The following IGSF9B variants were observed in gnomAD, a reference collection of about 807,000 sequenced individuals.
IGSF9B encodes the protein protein turtle homolog B.
A neutral mutation model predicts 143.7 loss-of-function variants in IGSF9B; 48 were observed. The observed-to-expected ratio is 0.33, with a 90% CI of 0.26 to 0.42. The LOEUF (loss-of-function observed/expected upper bound fraction) is 0.42, where lower values mean the gene tolerates loss of function less well. IGSF9B is among the 20% of genes least tolerant of loss of function. The probability of loss-of-function intolerance (pLI) is 1.00; values close to 1 mark genes in which losing one functional copy is unlikely to be tolerated. For missense variants in IGSF9B, 1,706 were observed against 1,980.0 expected (o/e 0.86, Z 2.63); for synonymous variants, 903 against 833.1 (o/e 1.08, Z -1.44).
rs1437936144 is a variant in IGSF9B at position 133,952,776 on chromosome 11, C to CGCACACACATGTGCACATGTATGCATGT, written c.64+3887_64+3914dup. Among the ~76,000 whole-genome samples, 26 of 149,038 alleles carry CGCACACACATGTGCACATGTATGCATGT rather than the reference C, an allele frequency of 1.7e-4. No homozygotes were observed. The East Asian group carries it at 3.9e-3, about 22-fold the overall frequency. On this transcript the variant is annotated intron_variant, in intron 1 of 19. Coordinates refer to ENST00000533871, the MANE Select transcript of IGSF9B (RefSeq NM_001277285.4). ...ACACATATAGGAACATGTGTGTATG[C>CGCACACACATGTGCACATGTATGCATGT]GCACACACATGTGCACATGTATGCA...
At position 133,952,800 on chromosome 11, in the gene IGSF9B, C is replaced by T. The variant is rs549383653; in HGVS notation, c.64+3891G>A. On this transcript the variant is annotated intron_variant, in intron 1 of 19. Transcript: ENST00000533871. The stretch of plus-strand genomic sequence containing the variant: ...GCGCACACACATGTGCACATGTATG[C>T]ATGTGCACACACACACACTTCTGGA... Among the ~76,000 whole-genome samples the T allele has an allele frequency of 1.5e-4, 23 of 152,166 alleles. No homozygotes were observed. In the East Asian group the frequency reaches 4.1e-3, roughly 27 times the overall value.
rs1241654547 is a variant in IGSF9B at position 133,935,866 on chromosome 11, C to A, written c.822-104G>T. ...CCAGATGTGGCATGGAGAGCCCATG[C>A]CCCTGGCATCCCCAGGGCCCCTCCA... On this transcript the variant is annotated intron_variant, in intron 6 of 19. Transcript: ENST00000533871. 3 of 1,459,438 alleles carry A rather than the reference C, an allele frequency of 2.1e-6. No homozygotes were observed. In the South Asian group the frequency reaches 4.0e-5, roughly 19 times the overall value. The allele number at this position is 1,459,438 out of a possible 1,614,324, so 90.4% of individuals were successfully genotyped here. A position where few individuals can be genotyped will look rare whatever the true frequency, so the allele number is the denominator to read the frequency against.
rs758727259 is a variant in IGSF9B at position 133,920,268 on chromosome 11, C to T, written c.3457G>A (p.Ala1153Thr). The change falls in exon 18 of 20, where the codon GCT becomes ACT. Residue 1153 changes from alanine to threonine, a missense_variant. Ala to Thr is a moderately conservative substitution (Grantham distance 58, BLOSUM62 0). Coordinates refer to ENST00000533871, the MANE Select transcript of IGSF9B (RefSeq NM_001277285.4). ...GGGCCGCCGTGCGCCCCCGGCTCAG[C>T]CGGCTCGGGGTAAGGCAGCACAGGT... ...GIPVLPYPEP[A>T]EPGAHGGPST... 2 of 1,519,792 alleles carry T rather than the reference C, an allele frequency of 1.3e-6. No homozygotes were observed. The highest frequency in any genetic ancestry group is 8.8e-7 in the Non-Finnish European group (1 of 1,133,744). The allele number at this position is 1,519,792 out of a possible 1,614,324, so 94.1% of individuals were successfully genotyped here.
chr11:133,916,007 A>G (rs572923763), intron 18 of IGSF9B, among the ~76,000 whole-genome samples: 5 of 152,282 alleles, frequency 3.3e-5, no homozygotes, highest in Non-Finnish European at 7.4e-5. Context: ...CTGCCTCAGA[A>G]CCTGGCAGAA....
rs1318408988 is a variant in IGSF9B, at chr11:133,931,349, C to T, written c.1368+104G>A. ...ACTGCTCGCTGGGCCCTCACACCTCCCCTCAGCCCCGGGGCTCGCTGGGCC... is the reference window on the plus strand; with the variant it reads ...ACTGCTCGCTGGGCCCTCACACCTCTCCTCAGCCCCGGGGCTCGCTGGGCC... On this transcript the variant is annotated intron_variant, in intron 10 of 19. Coordinates refer to ENST00000533871, the MANE Select transcript of IGSF9B (RefSeq NM_001277285.4). The surrounding 1 kb of genome is among the most constrained non-coding windows in gnomAD (Gnocchi z 7.7). 3.3e-6 allele frequency: 3 copies of T among 896,694 alleles called. No individual in the cohort carries two copies. Among genetic ancestry groups the T allele is most frequent in the Non-Finnish European group, 5.2e-6 (3 of 578,906 alleles). 55.5% of individuals were successfully genotyped at this position (896,694 alleles called of 1,614,324 possible).
chr11:133,955,319 C>G (rs1940232025), intron 1 of IGSF9B, among the ~76,000 whole-genome samples: 1 of 152,188 alleles, frequency 6.6e-6, no homozygotes, highest in Non-Finnish European at 1.5e-5. Context: ...CCGTCCGGAC[C>G]AACATGTCAG....
In IGSF9B at chr11:133,948,085, G is replaced by GTGTGTGTGTGTGTGTGTC. The variant is rs1555098855; in HGVS notation, c.65-1828_65-1827insGACACACACACACACACA. Among the ~76,000 whole-genome samples the GTGTGTGTGTGTGTGTGTC allele has an allele frequency of 6.7e-6, 1 of 149,626 alleles. No individual in the cohort carries two copies. Among genetic ancestry groups the GTGTGTGTGTGTGTGTGTC allele is most frequent in the Non-Finnish European group, 1.5e-5 (1 of 67,354 alleles). ...TGTGTGTGTGTGTGTGTGTGTGTGT[G>GTGTGTGTGTGTGTGTGTC]TGTGTCTGTGTGTGTTTCGGTTGGC... On this transcript the variant is annotated intron_variant, in intron 1 of 19. Transcript: ENST00000533871. This position sits in a 1 kb window ranked among gnomAD's most constrained non-coding sequence, Gnocchi z 4.7.
At position 133,906,461 on chromosome 11, in the gene IGSF9B, A is replaced by C. The variant is rs1939211373; in HGVS notation, c.*2608T>G. 6.6e-6 allele frequency among the ~76,000 whole-genome samples: 1 copy of C among 152,226 alleles called. No homozygotes were observed. The highest frequency in any genetic ancestry group is 2.1e-4 in the South Asian group (1 of 4,834). ...CAGACCTGACGTCCTTGCCCTAGCC[A>C]GGGAAGCCACAGCACAGCAGCCACT... On this transcript the variant is annotated 3_prime_UTR_variant, in exon 20 of 20. Transcript: ENST00000533871.
Position 133,931,586 on chromosome 11 carries a change from A to G in IGSF9B, c.1252-17T>C, listed in dbSNP as rs761666094. ...GGGGGGGTCCTGGGGAGGAAAGCAC[A>G]GGCACCCTCGTGAGGCCGGGGATCC... On this transcript the variant is annotated splice_polypyrimidine_tract_variant and intron_variant, in intron 9 of 19. Transcript: ENST00000533871. This position sits in a 1 kb window ranked among gnomAD's most constrained non-coding sequence, Gnocchi z 7.7. 1.2e-6 allele frequency: 2 copies of G among 1,612,130 alleles called. No homozygotes were observed. The highest frequency in any genetic ancestry group is 1.7e-5 in the Admixed American group (1 of 59,872).
intron 1 of IGSF9B, among the ~76,000 whole-genome samples, chr11:133,950,866 G>GCCT (rs35266790): frequency 5.7e-4 from 86 of 150,688 alleles, no homozygotes; most frequent in South Asian, 4.9e-3. Context: ...CCTTATTGCA[G>GCCT]CCTCCTCCTC....
chr11:133,928,396 C>T lies in IGSF9B; in HGVS notation c.1631+1275G>A, dbSNP rs944389410. 4.6e-5 allele frequency among the ~76,000 whole-genome samples: 7 copies of T among 152,274 alleles called. No individual in the cohort carries two copies. The highest frequency in any genetic ancestry group is 3.4e-3 in the Middle Eastern group (1 of 294). ...ATCAAGACACCCAGGACACTCCGCC[C>T]GGGAAGCAGCCACCGAACCACCATG... On this transcript the variant is annotated intron_variant, in intron 12 of 19. Coordinates refer to ENST00000533871, the MANE Select transcript of IGSF9B (RefSeq NM_001277285.4). This position sits in a 1 kb window ranked among gnomAD's most constrained non-coding sequence, Gnocchi z 4.7.
At chr11:133,936,309 G>A (rs1939822492) in intron 5 of IGSF9B, 115 bp from the exon 6 acceptor site, 1 of 901,966 alleles carries the variant, frequency 1.1e-6, no homozygotes, top group Non-Finnish European at 1.7e-6. Context: ...CTGCGATGGG[G>A]GCGGCTGTCA....
Position 133,925,936 on chromosome 11 carries a change from C to T in IGSF9B, c.1837G>A (p.Val613Met). The change falls in exon 14 of 20, where the codon GTG (valine) becomes ATG (methionine). Residue 613 changes from valine (V) to methionine (M), a missense_variant. Transcript: ENST00000533871. The stretch of plus-strand genomic sequence containing the variant: ...AGGCACCTCGGTGGGGTGACCAGCA[C>T]CAGGGGTTCTGGAGTTGTAATAGGG... ...AFPITTPEPLVLVTPPRCLIA... is the reference protein window; with the variant it reads ...AFPITTPEPLMLVTPPRCLIA... 2 of 1,606,848 alleles carry T rather than the reference C, an allele frequency of 1.2e-6. No individual in the cohort carries two copies. Among genetic ancestry groups the T allele is most frequent in the Non-Finnish European group, 1.7e-6 (2 of 1,176,598 alleles).
rs906871777 is a variant in IGSF9B, at chr11:133,902,771, A to T, written c.*6298T>A. On this transcript the variant is annotated 3_prime_UTR_variant, in exon 20 of 20. Transcript: ENST00000533871. Reference sequence around the variant, plus strand: ...TTCATGGGAGGCCATATAAAACCTCATTGATAGAGTGGCTGACAACTACCC... The same window carrying T: ...TTCATGGGAGGCCATATAAAACCTCTTTGATAGAGTGGCTGACAACTACCC... 6.6e-6 allele frequency among the ~76,000 whole-genome samples: 1 copy of T among 152,154 alleles called. No individual in the cohort carries two copies. Among genetic ancestry groups the T allele is most frequent in the Non-Finnish European group, 1.5e-5 (1 of 68,028 alleles).
In IGSF9B at chr11:133,935,761, C is replaced by T. The variant is rs1375550934; in HGVS notation, c.823G>A (p.Asp275Asn). 4 of 1,611,054 alleles carry T rather than the reference C, an allele frequency of 2.5e-6. No homozygotes were observed. The highest frequency in any genetic ancestry group is 2.5e-6 in the Non-Finnish European group (3 of 1,179,298). Residue 275 changes from aspartate to asparagine, a missense_variant and splice_region_variant, in exon 7 of 20, where the codon GAC (aspartate) becomes AAC (asparagine). Physicochemically the swap from Asp to Asn is conservative, Grantham distance 23. Transcript: ENST00000533871. ...AGGATGCGCACCCTCAGCTTCAGGT[C>T]GCTGCAAAGCGGCATGGGGACAGGG... ...WQDENVYFQN[D>N]LKLRVRILID...
chr11:133,944,392 C>T (rs751300023), intron 2 of IGSF9B, 26 bp from the exon 3 acceptor site: 10 of 1,611,276 alleles, frequency 6.2e-6, no homozygotes, highest in Non-Finnish European at 8.5e-6. Flanking sequence ...AGACAAAAGC[C>T]CCACAGGCCA....
At position 133,908,711 on chromosome 11, in the gene IGSF9B, C is replaced by A; in HGVS notation, c.*358G>T. 1 of 218,668 alleles carries A rather than the reference C, an allele frequency of 4.6e-6. No homozygotes were observed. Among genetic ancestry groups the A allele is most frequent in the Non-Finnish European group, 9.2e-6 (1 of 109,002 alleles). The allele number at this position is 218,668 out of a possible 1,614,324, so 13.5% of individuals were successfully genotyped here. On this transcript the variant is annotated 3_prime_UTR_variant, in exon 20 of 20. Transcript: ENST00000533871. ...CAGCCTTCTTCCAGGACTTGAAAAA[C>A]TGAAACAGAAGCAGAGAGCAGTAAA...
chr11:133,949,744 GGAGGAAGGGGAGGAAGA>G (rs763013343), intron 1 of IGSF9B, among the ~76,000 whole-genome samples: 10 of 151,986 alleles, frequency 6.6e-5, no homozygotes, highest in Non-Finnish European at 1.5e-4. Context: ...AAGGGAGTGG[GGAGGAAGGGGAGGAAGA>G]GAGGAAGGGG....
In IGSF9B at chr11:133,936,123, G is replaced by C; in HGVS notation, c.751C>G (p.Arg251Gly). 2 of 1,613,022 alleles carry C rather than the reference G, an allele frequency of 1.2e-6. No individual in the cohort carries two copies. The highest frequency in any genetic ancestry group is 2.2e-5 in the South Asian group (2 of 90,876). Residue 251 changes from arginine (R) to glycine (G), a missense_variant, in exon 6 of 20, where the codon CGG becomes GGG. Arg to Gly is a moderately radical substitution (Grantham distance 125, BLOSUM62 -2). Coordinates refer to ENST00000533871, the MANE Select transcript of IGSF9B (RefSeq NM_001277285.4). Reference protein sequence around the residue: ...NISQDALLTCRAEAYPGNLTY... With the variant: ...NISQDALLTCGAEAYPGNLTY... ...AGGTTGCCCGGATACGCCTCTGCCCGGCAGGTGAGCAGAGCATCCTGGGAG... is the reference window on the plus strand; with the variant it reads ...AGGTTGCCCGGATACGCCTCTGCCCCGCAGGTGAGCAGAGCATCCTGGGAG...
Sources: gnomAD v4.1 joint callset for allele counts (sites outside exome capture counted in the v4.1 genomes callset) on GRCh38, gnomAD v4.1.1 for gene constraint, Gnocchi (gnomAD v3.1) non-coding constraint, MANE v1.5 for transcripts, NCBI Gene and HGNC (gene_info 2026-07-23, HGNC 2026-07-21) for gene names.